Variants in C2orf74 observed in about 807,000 individuals in gnomAD.
C2orf74 encodes the protein uncharacterized protein C2orf74.
Under a neutral mutation model 17.9 loss-of-function variants are expected in C2orf74, and 14 were observed. That is an observed-to-expected ratio of 0.78 (90% CI 0.52 to 1.22). The LOEUF is 1.22. Among genes scored for constraint, C2orf74 ranks in the 50% most tolerant of loss-of-function variants. C2orf74 has a pLI of 0.00. For synonymous variants in C2orf74, 79 were observed against 72.6 expected, an observed-to-expected ratio of 1.09 and a Z score of -0.44; for missense variants, 217 against 218.4, an observed-to-expected ratio of 0.99 and a Z score of 0.04.
chr2:61,157,355 T>C (rs1190456546), upstream of C2orf74, among the ~76,000 whole-genome samples: 1 of 152,194 alleles, frequency 6.6e-6, no homozygotes, highest in Non-Finnish European at 1.5e-5. Flanking sequence ...AGGGAACATA[T>C]TTAATGCTCA....
Position 61,163,045 on chromosome 2 carries a change from T to C in C2orf74, c.210-7T>C, listed in dbSNP as rs1026964273. On this transcript the variant is annotated splice_region_variant and splice_polypyrimidine_tract_variant and intron_variant, in intron 3 of 4. Transcript: ENST00000432605. The stretch of plus-strand genomic sequence containing the variant: ...AATGTTTAAAACTCTACCGATTAAT[T>C]TTCTAGGATCTTAATGCAAGTCATG... 14 of 1,551,982 alleles carry C rather than the reference T, an allele frequency of 9.0e-6. No homozygotes were observed. Among genetic ancestry groups the C allele is most frequent in the Non-Finnish European group, 7.0e-6 (8 of 1,146,966 alleles).
At chr2:61,150,249 G>C (rs1345651706) in intron 1 of C2orf74, among the ~76,000 whole-genome samples, 1 of 152,124 alleles carries the variant, frequency 6.6e-6, no homozygotes, top group South Asian at 2.1e-4. Context: ...AGGACTCCTG[G>C]GATGGAGGTG....
chr2:61,147,978 A>G (rs539618997), intron 1 of C2orf74, among the ~76,000 whole-genome samples: 6 of 151,780 alleles, frequency 4.0e-5, no homozygotes, highest in Non-Finnish European at 8.8e-5. Context: ...CATGTTGCCC[A>G]GGCTGGTCTC....
At chr2:61,153,072 A>C (rs915815831) in intron 1 of C2orf74, among the ~76,000 whole-genome samples, 2 of 150,976 alleles carry the variant, frequency 1.3e-5, no homozygotes, top group African/African-American at 4.9e-5. Context: ...GAATTGCTTG[A>C]ACCTGGGAGG....
chr2:61,145,487 A>G (rs983303665), intron 1 of C2orf74, among the ~76,000 whole-genome samples: 3 of 152,104 alleles, frequency 2.0e-5, no homozygotes, highest in Admixed American at 6.6e-5. Flanking sequence ...GCAGTAATGC[A>G]ATCTCGGCTC....
At chr2:61,161,161 T>A (rs1302382498), upstream of C2orf74, among the ~76,000 whole-genome samples, 1 of 152,218 alleles carries the variant, frequency 6.6e-6, no homozygotes, top group Non-Finnish European at 1.5e-5. Flanking sequence ...TGATTAGTGT[T>A]GTTGAACATT....
intron 1 of C2orf74, among the ~76,000 whole-genome samples, chr2:61,145,737 T>C (rs1685051154): frequency 1.3e-5 from 2 of 152,034 alleles, no homozygotes; most frequent in Admixed American, 6.6e-5. Context: ...TTGTATTTTA[T>C]TTTTTCTGAG....
intron 4 of C2orf74, among the ~76,000 whole-genome samples, chr2:61,163,573 G>A (rs1685638891): frequency 1.3e-5 from 2 of 151,704 alleles, no homozygotes; most frequent in East Asian, 3.9e-4. Context: ...CTGCACTCCA[G>A]CCTGGTGACA....
intron 1 of C2orf74, among the ~76,000 whole-genome samples, chr2:61,154,720 A>G (rs1685343132): frequency 2.0e-5 from 3 of 152,170 alleles, no homozygotes; most frequent in African/African-American, 7.2e-5. Context: ...GCACTAGGTT[A>G]CCAATCATGG....
intron 1 of C2orf74, among the ~76,000 whole-genome samples, chr2:61,151,094 G>A (rs1315432802): frequency 6.6e-6 from 1 of 151,882 alleles, no homozygotes; most frequent in African/African-American, 2.4e-5. Flanking sequence ...GAGGCGGGAG[G>A]ATCACAAGGT....
intron 3 of C2orf74, 22 bp downstream of exon 3, chr2:61,162,977 G>T (rs1339169454): frequency 1.9e-6 from 3 of 1,551,822 alleles, no homozygotes; most frequent in Non-Finnish European, 2.6e-6. Flanking sequence ...GCAGGATGTG[G>T]CAGAGGCCAT....
chr2:61,151,113 C>A (rs926921037), intron 1 of C2orf74, among the ~76,000 whole-genome samples: 1 of 151,786 alleles, frequency 6.6e-6, no homozygotes, highest in East Asian at 1.9e-4. Flanking sequence ...GTCAGGAGTT[C>A]AAGACCAGCC....
upstream of C2orf74, among the ~76,000 whole-genome samples, chr2:61,158,495 GA>G (rs888546388): frequency 2.0e-5 from 3 of 152,184 alleles, no homozygotes; most frequent in Non-Finnish European, 4.4e-5. Context: ...AAGTGTCACT[GA>G]AACACCAGGG....
At chr2:61,157,157 C>T (rs1247608871) in intron 1 of C2orf74, among the ~76,000 whole-genome samples, 4 of 152,214 alleles carry the variant, frequency 2.6e-5, no homozygotes, top group Non-Finnish European at 5.9e-5. Context: ...TCTCCTGCCT[C>T]AGCCTCCCGA....
chr2:61,154,959 G>A (rs919850123), intron 1 of C2orf74, among the ~76,000 whole-genome samples: 1 of 152,072 alleles, frequency 6.6e-6, no homozygotes, highest in Non-Finnish European at 1.5e-5. Flanking sequence ...CAGCTACTTG[G>A]GAGGCTGAGG....
At chr2:61,163,728 CGT>C (rs1436104571) in intron 4 of C2orf74, among the ~76,000 whole-genome samples, 1 of 152,038 alleles carries the variant, frequency 6.6e-6, no homozygotes, top group Non-Finnish European at 1.5e-5. Context: ...CTTATCAGTT[CGT>C]GTTACTAAAC....
upstream of C2orf74, chr2:61,158,070 C>A: frequency 2.2e-6 from 1 of 460,282 alleles, no homozygotes. Context: ...CTGACCCCAA[C>A]ATGGCAGATG....
At chr2:61,161,992 GAC>G, upstream of C2orf74, 1 of 155,054 alleles carries the variant, frequency 6.4e-6, no homozygotes, top group East Asian at 1.9e-4. Context: ...GAATGGTCAA[GAC>G]AGTTTCAAAT....
chr2:61,158,859 C>T (rs750687338), upstream of C2orf74, among the ~76,000 whole-genome samples: 1 of 152,142 alleles, frequency 6.6e-6, no homozygotes, highest in Non-Finnish European at 1.5e-5. Flanking sequence ...GAGTCCATTT[C>T]TGTGTTTATT....
Sources: gnomAD v4.1 joint callset for allele counts (sites outside exome capture counted in the v4.1 genomes callset) on GRCh38, gnomAD v4.1.1 for gene constraint, MANE v1.5 for transcripts, NCBI Gene and HGNC (gene_info 2026-07-23, HGNC 2026-07-21) for gene names.